FRMPD4: variants seen among roughly 807,000 people sequenced by gnomAD.
The protein encoded by FRMPD4 is FERM and PDZ domain-containing protein 4.
FRMPD4 carries 22 observed loss-of-function variants against 94.1 expected under a neutral mutation model. The observed-to-expected ratio is 0.23, with a 90% confidence interval of 0.17 to 0.33. The LOEUF is 0.33. Among genes scored for constraint, FRMPD4 ranks in the 10% least tolerant of loss-of-function variants. FRMPD4 has a pLI of 1.00. For missense variants in FRMPD4, 1,111 were observed against 1,339.9 expected (o/e 0.83, Z 2.67); for synonymous variants, 631 against 548.6 (o/e 1.15, Z -2.10).
chrX:12,612,024 C>A (rs1188049842), intron 3 of FRMPD4, among the ~76,000 whole-genome samples: 1 of 111,069 alleles, frequency 9.0e-6, no homozygotes, highest in Non-Finnish European at 1.9e-5. Context: ...CATACACAAA[C>A]ACACATATGT....
intron 1 of FRMPD4, among the ~76,000 whole-genome samples, chrX:12,314,133 T>A (rs6654757): frequency 4.5e-3 from 504 of 112,620 alleles, no homozygotes; most frequent in African/African-American, 0.015. Context: ...AAAGTGTTTG[T>A]TCAATCAACT....
At chrX:11,886,460 A>T (rs1481108780) in intron 3 of FRMPD4, among the ~76,000 whole-genome samples, 1 of 111,658 alleles carries the variant, frequency 9.0e-6, no homozygotes, top group Non-Finnish European at 1.9e-5. Context: ...GCAATTCAAT[A>T]TGTACCTGAA....
chrX:12,331,144 C>G (rs1037510165), intron 1 of FRMPD4, among the ~76,000 whole-genome samples: 1 of 109,659 alleles, frequency 9.1e-6, no homozygotes, highest in African/African-American at 3.3e-5. Flanking sequence ...CCTCAAGCTA[C>G]AGTTTCCTGA....
At chrX:12,160,455 A>G (rs2056006738) in intron 1 of FRMPD4, among the ~76,000 whole-genome samples, 1 of 111,520 alleles carries the variant, frequency 9.0e-6, no homozygotes, top group Non-Finnish European at 1.9e-5. Flanking sequence ...ACTTCTAGGT[A>G]ATTAAGAACT....
At chrX:12,701,566 G>A (rs2060191287) in intron 9 of FRMPD4, among the ~76,000 whole-genome samples, 1 of 112,152 alleles carries the variant, frequency 8.9e-6, no homozygotes, top group Non-Finnish European at 1.9e-5. Context: ...AATGCTGTGT[G>A]CATTCAACTG....
chrX:12,007,092 A>G (rs2054557722), intron 3 of FRMPD4, among the ~76,000 whole-genome samples: 1 of 111,737 alleles, frequency 8.9e-6, no homozygotes, highest in Non-Finnish European at 1.9e-5. Flanking sequence ...CTGCTGTGTC[A>G]GTTTCTGGGC....
At position 12,723,802 on chromosome X, in the gene FRMPD4, C is replaced by T; in HGVS notation, c.*1944C>T. On this transcript the variant is annotated 3_prime_UTR_variant, in exon 17 of 17. Coordinates refer to ENST00000675598, the MANE Select transcript of FRMPD4 (RefSeq NM_001368397.1). ...CGGATATGGGGTTTGGGGTCAGAAA[C>T]ATCTTGATTAAAATTTTGACTCTGC... 1 of 111,289 alleles carries T rather than the reference C, an allele frequency of 9.0e-6. No individual in the cohort carries two copies. The highest frequency in any genetic ancestry group is 9.6e-5 in the Admixed American group (1 of 10,434). The allele number at this position is 111,289 out of a possible 1,213,427, so 9.2% of individuals were successfully genotyped here.
intron 3 of FRMPD4, among the ~76,000 whole-genome samples, chrX:12,611,704 T>C (rs1443815812): frequency 8.9e-6 from 1 of 112,661 alleles, no homozygotes; most frequent in African/African-American, 3.2e-5. Flanking sequence ...TGACATAATA[T>C]GCCCCAGGGC....
intron 1 of FRMPD4, among the ~76,000 whole-genome samples, chrX:12,154,318 T>C (rs1317045399): frequency 8.9e-6 from 1 of 112,888 alleles, no homozygotes; most frequent in Admixed American, 9.4e-5. Flanking sequence ...TCACTTTCTT[T>C]CCCACAAAGG....
intron 1 of FRMPD4, among the ~76,000 whole-genome samples, chrX:12,140,352 G>A (rs1356711770): frequency 2.7e-5 from 3 of 112,590 alleles, no homozygotes; most frequent in African/African-American, 9.7e-5. Flanking sequence ...GAAGACTGAT[G>A]TGTTAAGCAG....
In FRMPD4 at chrX:12,138,636, C is replaced by G. The variant is rs1327038543; in HGVS notation, c.-336C>G. 105 of 289,922 alleles carry G rather than the reference C, an allele frequency of 3.6e-4. 1 individual carries two copies. The East Asian group carries it at 5.1e-3, about 14-fold the overall frequency. 23.9% of individuals were successfully genotyped at this position (289,922 alleles called of 1,213,427 possible). A position where few individuals can be genotyped will look rare whatever the true frequency, so the allele number is the denominator to read the frequency against. On this transcript the variant is annotated 5_prime_UTR_variant, in exon 1 of 17. Transcript: ENST00000675598. ...GCTTTCTCTGGACGCCCGGCAGTCC[C>G]CGGGGCTAGAGCGCACGGGGCGGGG...
At chrX:12,445,580 T>C (rs1242671536) in intron 1 of FRMPD4, among the ~76,000 whole-genome samples, 1 of 112,436 alleles carries the variant, frequency 8.9e-6, no homozygotes, top group African/African-American at 3.2e-5. Flanking sequence ...AAAAGGTCGG[T>C]AGTTATATAT....
intron 3 of FRMPD4, among the ~76,000 whole-genome samples, chrX:12,058,686 A>T (rs969757194): frequency 1.6e-4 from 18 of 111,591 alleles, no homozygotes; most frequent in Admixed American, 9.5e-4. Flanking sequence ...GATTATATTT[A>T]AAAATGATTA....
chrX:11,967,806 T>C (rs1233669302), intron 3 of FRMPD4, among the ~76,000 whole-genome samples: 1 of 98,141 alleles, frequency 1.0e-5, no homozygotes, highest in Non-Finnish European at 2.0e-5. Flanking sequence ...GCAGCTGGAG[T>C]AGCTTTGTTC....
intron 3 of FRMPD4, among the ~76,000 whole-genome samples, chrX:12,053,294 G>A (rs1217826774): frequency 5.8e-5 from 6 of 104,250 alleles, no homozygotes; most frequent in Non-Finnish European, 9.8e-5. Flanking sequence ...AGCTGAGATC[G>A]TATCAGTGTA....
At chrX:12,247,635 C>T (rs1242185414) in intron 1 of FRMPD4, among the ~76,000 whole-genome samples, 1 of 111,989 alleles carries the variant, frequency 8.9e-6, no homozygotes, top group Non-Finnish European at 1.9e-5. Flanking sequence ...GAACCACCCA[C>T]TTTGGCCTCC....
intron 1 of FRMPD4, among the ~76,000 whole-genome samples, chrX:12,491,299 A>C (rs908912117): frequency 3.6e-5 from 4 of 112,637 alleles, no homozygotes; most frequent in Non-Finnish European, 5.6e-5. Flanking sequence ...AATTTAAAAA[A>C]CCACCTTAAT....
intron 5 of FRMPD4, among the ~76,000 whole-genome samples, chrX:12,681,352 T>C (rs2059969539): frequency 9.1e-6 from 1 of 109,505 alleles, no homozygotes; most frequent in East Asian, 3.2e-4. Flanking sequence ...GATTTGCTCG[T>C]TAATCATTAC....
intron 3 of FRMPD4, among the ~76,000 whole-genome samples, chrX:11,978,620 A>G (rs1985245057): frequency 8.9e-6 from 1 of 111,989 alleles, no homozygotes; most frequent in African/African-American, 3.2e-5. Flanking sequence ...CACTGAAGTA[A>G]TGAAATGGTT....
Sources: gnomAD v4.1 joint callset for allele counts (sites outside exome capture counted in the v4.1 genomes callset) on GRCh38, gnomAD v4.1.1 for gene constraint, MANE v1.5 for transcripts, NCBI Gene and HGNC (gene_info 2026-07-23, HGNC 2026-07-21) for gene names.